TIMM29: variants seen among roughly 807,000 people sequenced by gnomAD.
TIMM29 encodes the protein translocase of inner mitochondrial membrane 29.
Under a neutral mutation model 19.5 loss-of-function variants are expected in TIMM29, and 23 were observed. The observed-to-expected ratio is 1.18, with a 90% confidence interval of 0.85 to 1.67. The LOEUF (loss-of-function observed/expected upper bound fraction) is 1.67. Ranked by LOEUF, TIMM29 falls within the 40% of genes most tolerant of loss-of-function variation. The probability of loss-of-function intolerance (pLI) is 0.00; values close to 1 mark genes in which losing one functional copy is unlikely to be tolerated. For synonymous variants in TIMM29, 209 were observed against 185.0 expected, an observed-to-expected ratio of 1.13 and a Z score of -1.05; for missense variants, 404 against 384.7, an observed-to-expected ratio of 1.05 and a Z score of -0.42.
chr19:10,929,727 C>T lies in TIMM29; in HGVS notation c.*25C>T. On this transcript the variant is annotated 3_prime_UTR_variant, in exon 2 of 2. Coordinates refer to ENST00000270502, the MANE Select transcript of TIMM29 (RefSeq NM_138358.4). Reference sequence around the variant, plus strand: ...AAACCCTGAGGCCCCCGAGTCCTGGCAAACTGCTTGCCTGGGGTGGTGCAG... The same window carrying T: ...AAACCCTGAGGCCCCCGAGTCCTGGTAAACTGCTTGCCTGGGGTGGTGCAG... The T allele has an allele frequency of 6.4e-7, 1 of 1,556,496 alleles. No homozygotes were observed.
rs1394486500 is a variant in TIMM29 at position 10,929,375 on chromosome 19, G to C, written c.456G>C (p.Leu152=). Residue 152 remains leucine (L), a synonymous_variant, in exon 2 of 2, where the codon CTG becomes CTC. Coordinates refer to ENST00000270502, the MANE Select transcript of TIMM29 (RefSeq NM_138358.4). ...ASLYQARCRY[L]QPRWTDFPGR... Reference sequence around the variant, plus strand: ...TCTACCAGGCGCGTTGCCGCTACCTGCAGCCCCGCTGGACCGACTTCCCCG... The same window carrying C: ...TCTACCAGGCGCGTTGCCGCTACCTCCAGCCCCGCTGGACCGACTTCCCCG... 1 of 1,600,296 alleles carries C rather than the reference G, an allele frequency of 6.2e-7. No individual in the cohort carries two copies.
Position 10,929,519 on chromosome 19 carries a change from G to A in TIMM29, c.600G>A (p.Gly200=), listed in dbSNP as rs760807134. ...LHLPAHLRVV[G]PQQLHSETNE... is the part of the protein sequence containing the mutation. ...TGCCGGCGCATTTGCGGGTGGTCGG[G>A]CCCCAGCAGCTGCATTCCGAGACCA... The change falls in exon 2 of 2, where the codon GGG becomes GGA. Residue 200 remains glycine (G), a synonymous_variant. Coordinates refer to ENST00000270502, the MANE Select transcript of TIMM29 (RefSeq NM_138358.4). 4 of 1,612,980 alleles carry A rather than the reference G, an allele frequency of 2.5e-6. No homozygotes were observed. Among genetic ancestry groups the A allele is most frequent in the Non-Finnish European group, 2.5e-6 (3 of 1,180,038 alleles).
chr19:10,928,839 T>G lies in TIMM29; in HGVS notation c.17T>G (p.Leu6Arg), dbSNP rs749818767. The G allele has an allele frequency of 6.6e-7, 1 of 1,526,648 alleles. No individual in the cohort carries two copies. Among genetic ancestry groups the G allele is most frequent in the Non-Finnish European group, 8.8e-7 (1 of 1,141,018 alleles). The allele number at this position is 1,526,648 out of a possible 1,614,324, so 94.6% of individuals were successfully genotyped here. Residue 6 changes from leucine to arginine, a missense_variant, in exon 1 of 2, where the codon CTG becomes CGG. Physicochemically the swap from Leu to Arg is moderately radical, Grantham distance 102. Transcript: ENST00000270502. The stretch of plus-strand genomic sequence containing the variant: ...CGGAAGAGGATGGCCGCGGCGGCTC[T>G]GAGGAGATTTTGGTCCCGGCGCCGC... MAAAALRRFWSRRRAE... is the reference protein window; with the variant it reads MAAAARRRFWSRRRAE...
rs367796118 is a variant in TIMM29, at chr19:10,929,633, G to A, written c.714G>A (p.Gln238=). The A allele has an allele frequency of 2.2e-5, 35 of 1,612,876 alleles. No homozygotes were observed. Among genetic ancestry groups the A allele is most frequent in the Middle Eastern group, 3.3e-4 (2 of 6,084 alleles). ...DQALWEEQVL[Q]KEKKDRLALS... ...CGCTGTGGGAGGAGCAGGTCTTGCAGAAGGAGAAGAAGGACAGGCTCGCCC... is the reference window on the plus strand; with the variant it reads ...CGCTGTGGGAGGAGCAGGTCTTGCAAAAGGAGAAGAAGGACAGGCTCGCCC... Residue 238 remains glutamine (Q), a synonymous_variant, in exon 2 of 2, where the codon CAG becomes CAA. Coordinates refer to ENST00000270502, the MANE Select transcript of TIMM29 (RefSeq NM_138358.4).
At position 10,928,877 on chromosome 19, in the gene TIMM29, G is replaced by A. The variant is rs769720688; in HGVS notation, c.55G>A (p.Asp19Asn). The A allele has an allele frequency of 1.3e-6, 2 of 1,529,576 alleles. No homozygotes were observed. The highest frequency in any genetic ancestry group is 1.7e-6 in the Non-Finnish European group (2 of 1,143,448). 94.8% of individuals were successfully genotyped at this position (1,529,576 alleles called of 1,614,324 possible). A position where few individuals can be genotyped will look rare whatever the true frequency, so the allele number is the denominator to read the frequency against. Residue 19 changes from aspartate to asparagine, a missense_variant, in exon 1 of 2, where the codon GAC (aspartate) becomes AAC (asparagine). Asp to Asn is a conservative substitution (Grantham distance 23, BLOSUM62 1). Coordinates refer to ENST00000270502, the MANE Select transcript of TIMM29 (RefSeq NM_138358.4). ...FWSRRRAEAG[D>N]AVVAKPGVWA... ...GTCCCGGCGCCGCGCAGAGGCGGGCGACGCGGTAGTGGCGAAGCCGGGAGT... is the reference window on the plus strand; with the variant it reads ...GTCCCGGCGCCGCGCAGAGGCGGGCAACGCGGTAGTGGCGAAGCCGGGAGT...
In TIMM29 at chr19:10,929,378, G is replaced by T. The variant is rs1371548455; in HGVS notation, c.459G>T (p.Gln153His). The T allele has an allele frequency of 1.9e-6, 3 of 1,601,982 alleles. No homozygotes were observed. Among genetic ancestry groups the T allele is most frequent in the Non-Finnish European group, 2.5e-6 (3 of 1,176,732 alleles). The change falls in exon 2 of 2, where the codon CAG becomes CAT. Residue 153 changes from glutamine to histidine, a missense_variant. Transcript: ENST00000270502. ...ACCAGGCGCGTTGCCGCTACCTGCA[G>T]CCCCGCTGGACCGACTTCCCCGGCC... ...SLYQARCRYL[Q>H]PRWTDFPGRV...
chr19:10,929,775 G>C lies in TIMM29; in HGVS notation c.*73G>C. On this transcript the variant is annotated 3_prime_UTR_variant, in exon 2 of 2. Transcript: ENST00000270502. ...CAGTTCTGAGTGTGCCTCACCTGCA[G>C]AACAGCTGAGACAGATGATGTGCAA... 1 of 1,389,264 alleles carries C rather than the reference G, an allele frequency of 7.2e-7. No homozygotes were observed. Among genetic ancestry groups the C allele is most frequent in the Non-Finnish European group, 9.7e-7 (1 of 1,028,896 alleles). 86.1% of individuals were successfully genotyped at this position (1,389,264 alleles called of 1,614,324 possible).
rs1405152426 is a variant in TIMM29 at position 10,929,710 on chromosome 19, A to C, written c.*8A>C. 6.3e-7 allele frequency: 1 copy of C among 1,580,472 alleles called. No homozygotes were observed. Among genetic ancestry groups the C allele is most frequent in the East Asian group, 2.3e-5 (1 of 42,926 alleles). Reference sequence around the variant, plus strand: ...GCGGAGGCCCCGAGATGAAACCCTGAGGCCCCCGAGTCCTGGCAAACTGCT... The same window carrying C: ...GCGGAGGCCCCGAGATGAAACCCTGCGGCCCCCGAGTCCTGGCAAACTGCT... On this transcript the variant is annotated 3_prime_UTR_variant, in exon 2 of 2. Transcript: ENST00000270502.
Position 10,929,192 on chromosome 19 carries a change from G to T in TIMM29, c.273G>T (p.Ser91=). 6.8e-7 allele frequency: 1 copy of T among 1,468,854 alleles called. No homozygotes were observed. 91.0% of individuals were successfully genotyped at this position (1,468,854 alleles called of 1,614,324 possible). A position where few individuals can be genotyped will look rare whatever the true frequency, so the allele number is the denominator to read the frequency against. ...GAFEEALLEA[S]GTLLLLAPAT... is the part of the protein sequence containing the mutation. The stretch of plus-strand genomic sequence containing the variant: ...TCGAGGAGGCGCTGCTGGAGGCGTC[G>T]GGGACCCTCCTGCTGCTGGCGCCGG... The change falls in exon 2 of 2, where the codon TCG becomes TCT. Residue 91 remains serine, a synonymous_variant. Transcript: ENST00000270502.
Position 10,929,287 on chromosome 19 carries a change from G to T in TIMM29, c.368G>T (p.Arg123Leu), listed in dbSNP as rs1352682166. The T allele has an allele frequency of 5.8e-6, 9 of 1,541,480 alleles. No homozygotes were observed. Among genetic ancestry groups the T allele is most frequent in the Non-Finnish European group, 7.8e-6 (9 of 1,147,916 alleles). Residue 123 changes from arginine to leucine, a missense_variant, in exon 2 of 2, where the codon CGC (arginine) becomes CTC (leucine). Coordinates refer to ENST00000270502, the MANE Select transcript of TIMM29 (RefSeq NM_138358.4). ...LLWLRGRGRLRYVNLGLCSLV... is the reference protein window; with the variant it reads ...LLWLRGRGRLLYVNLGLCSLV... The stretch of plus-strand genomic sequence containing the variant: ...TGGCTGCGGGGCCGTGGCCGCCTGC[G>T]CTACGTCAACCTGGGGCTCTGCTCG...
At chr19:10,928,944 G>T in intron 1 of TIMM29, 28 bp downstream of exon 1, 1 of 1,490,528 alleles carries the variant, frequency 6.7e-7, no homozygotes, top group South Asian at 1.3e-5. Flanking sequence ...GCGGCAGGGT[G>T]GGTGGCCGCC....
chr19:10,929,945 G>C lies in TIMM29; in HGVS notation c.*243G>C. On this transcript the variant is annotated 3_prime_UTR_variant, in exon 2 of 2. Coordinates refer to ENST00000270502, the MANE Select transcript of TIMM29 (RefSeq NM_138358.4). ...ACTTGACACATGTTCATCACTGGCA[G>C]AGCTGGTCATGAGCCTTTTATATAA... 1 of 536,894 alleles carries C rather than the reference G, an allele frequency of 1.9e-6. No homozygotes were observed. The highest frequency in any genetic ancestry group is 2.4e-5 in the South Asian group (1 of 42,068). The allele number at this position is 536,894 out of a possible 1,614,324, so 33.3% of individuals were successfully genotyped here.
Position 10,929,698 on chromosome 19 carries a change from G to A in TIMM29, c.779G>A (p.Arg260Lys). Residue 260 changes from arginine (R) to lysine (K), a missense_variant, in exon 2 of 2, where the codon AGA becomes AAA. Physicochemically the swap from Arg to Lys is conservative, Grantham distance 26. Coordinates refer to ENST00000270502, the MANE Select transcript of TIMM29 (RefSeq NM_138358.4). ...TCGCTGGTGCAGGCGGAGGCCCCGA[G>A]ATGAAACCCTGAGGCCCCCGAGTCC... ...AHSLVQAEAP[R>K] 6.3e-7 allele frequency: 1 copy of A among 1,597,082 alleles called. No individual in the cohort carries two copies.
In TIMM29 at chr19:10,929,779, A is replaced by T; in HGVS notation, c.*77A>T. The T allele has an allele frequency of 7.3e-7, 1 of 1,369,342 alleles. No homozygotes were observed. Among genetic ancestry groups the T allele is most frequent in the Non-Finnish European group, 9.8e-7 (1 of 1,016,822 alleles). The allele number at this position is 1,369,342 out of a possible 1,614,324, so 84.8% of individuals were successfully genotyped here. A position where few individuals can be genotyped will look rare whatever the true frequency, so the allele number is the denominator to read the frequency against. ...TCTGAGTGTGCCTCACCTGCAGAACAGCTGAGACAGATGATGTGCAAAGTG... is the reference window on the plus strand; with the variant it reads ...TCTGAGTGTGCCTCACCTGCAGAACTGCTGAGACAGATGATGTGCAAAGTG... On this transcript the variant is annotated 3_prime_UTR_variant, in exon 2 of 2. Coordinates refer to ENST00000270502, the MANE Select transcript of TIMM29 (RefSeq NM_138358.4).
Sources: gnomAD v4.1 joint callset for allele counts on GRCh38, gnomAD v4.1.1 for gene constraint, MANE v1.5 for transcripts, NCBI Gene and HGNC (gene_info 2026-07-23, HGNC 2026-07-21) for gene names.